STXBP5: variants seen among roughly 807,000 people sequenced by gnomAD.
The protein encoded by STXBP5 is syntaxin-binding protein 5.
Under a neutral mutation model 152.4 loss-of-function variants are expected in STXBP5, and 50 were observed. The ratio of observed to expected loss-of-function variants is 0.33; its 90% CI spans 0.26 to 0.42. The LOEUF is 0.42. Ranked by LOEUF, STXBP5 falls within the 10% of genes least tolerant of loss-of-function variation. STXBP5 has a pLI of 1.00. For missense variants in STXBP5, 1,167 were observed against 1,388.6 expected (o/e 0.84, Z 2.54); for synonymous variants, 492 against 494.7 (o/e 0.99, Z 0.07).
At chr6:147,223,091 T>G (rs1777538636) in intron 2 of STXBP5, among the ~76,000 whole-genome samples, 1 of 152,260 alleles carries the variant, frequency 6.6e-6, no homozygotes, top group Admixed American at 6.5e-5. Context: ...GTTCAGCTTT[T>G]TACTTCTTGT....
At chr6:147,329,928 C>T (rs1488463229) in intron 18 of STXBP5, among the ~76,000 whole-genome samples, 2 of 151,948 alleles carry the variant, frequency 1.3e-5, no homozygotes, top group African/African-American at 4.8e-5. Context: ...CGCCCGGCCT[C>T]TTCAGGCTTT....
intron 26 of STXBP5, among the ~76,000 whole-genome samples, chr6:147,375,650 G>A (rs564060954): frequency 6.6e-6 from 1 of 150,760 alleles, no homozygotes; most frequent in Non-Finnish European, 1.5e-5. Flanking sequence ...TATAAAGAAA[G>A]AAGTCAGAAA....
At chr6:147,346,213 C>T (rs1483131865) in intron 21 of STXBP5, among the ~76,000 whole-genome samples, 3 of 152,098 alleles carry the variant, frequency 2.0e-5, no homozygotes, top group South Asian at 2.1e-4. Context: ...AAATGAGTTT[C>T]GTAAGTGATT....
Position 147,204,481 on chromosome 6 carries a change from G to C in STXBP5, c.-52G>C, listed in dbSNP as rs1424971692. 40 of 1,586,794 alleles carry C rather than the reference G, an allele frequency of 2.5e-5. No homozygotes were observed. The highest frequency in any genetic ancestry group is 3.2e-5 in the Non-Finnish European group (37 of 1,168,064). On this transcript the variant is annotated 5_prime_UTR_variant, in exon 1 of 28. Transcript: ENST00000321680. This position sits in a 1 kb window ranked among gnomAD's most constrained non-coding sequence, Gnocchi z 4.3. Reference sequence around the variant, plus strand: ...CGGCCCCGGGTGGTCTCCCCCGCCCGGGGACCCCCTGTGCCTCCCCTCCCG... The same window carrying C: ...CGGCCCCGGGTGGTCTCCCCCGCCCCGGGACCCCCTGTGCCTCCCCTCCCG...
At chr6:147,290,849 T>A (rs955292018) in intron 8 of STXBP5, among the ~76,000 whole-genome samples, 6 of 152,212 alleles carry the variant, frequency 3.9e-5, no homozygotes, top group African/African-American at 1.4e-4. Flanking sequence ...CTGCTAGAAT[T>A]TTGTCACATA....
Position 147,385,460 on chromosome 6 carries a change from T to C in STXBP5, c.*705T>C, listed in dbSNP as rs182432326. 1.3e-5 allele frequency: 2 copies of C among 152,170 alleles called. No homozygotes were observed. Among genetic ancestry groups the C allele is most frequent in the Admixed American group, 1.3e-4 (2 of 15,260 alleles). The allele number at this position is 152,170 out of a possible 1,614,324, so 9.4% of individuals were successfully genotyped here. ...CATCACTTTTCATTGAAAAGAAAAG[T>C]GTAGAGCATGACTGAATTGCTCATC... On this transcript the variant is annotated 3_prime_UTR_variant, in exon 28 of 28. Transcript: ENST00000321680.
At chr6:147,265,373 C>G (rs1399479439) in intron 6 of STXBP5, among the ~76,000 whole-genome samples, 1 of 152,016 alleles carries the variant, frequency 6.6e-6, no homozygotes, top group African/African-American at 2.4e-5. Flanking sequence ...ATTACCCAAA[C>G]AGATATAGAC....
chr6:147,213,503 TTTTC>T (rs1334400026), intron 2 of STXBP5, among the ~76,000 whole-genome samples: 2 of 145,638 alleles, frequency 1.4e-5, no homozygotes. Context: ...TATTTTTTCT[TTTTC>T]TTTTATTTTT....
At chr6:147,322,680 C>T (rs1181143582) in intron 16 of STXBP5, among the ~76,000 whole-genome samples, 1 of 152,154 alleles carries the variant, frequency 6.6e-6, no homozygotes, top group Non-Finnish European at 1.5e-5. Context: ...ATATGTTTTG[C>T]TACAGCAATT....
chr6:147,315,633 C>T lies in STXBP5; in HGVS notation c.1521C>T (p.Ile507=), dbSNP rs146948967. The T allele has an allele frequency of 2.7e-5, 43 of 1,613,814 alleles. No individual in the cohort carries two copies. Among genetic ancestry groups the T allele is most frequent in the Non-Finnish European group, 3.0e-5 (35 of 1,179,908 alleles). Reference sequence around the variant, plus strand: ...AAGATCCATATGCCATTCAGATCATCTCCTGGTGTCCAGAAAGTAGAATGC... The same window carrying T: ...AAGATCCATATGCCATTCAGATCATTTCCTGGTGTCCAGAAAGTAGAATGC... ...VDEDPYAIQI[I]SWCPESRMLC... The change falls in exon 15 of 28, where the codon ATC becomes ATT. Residue 507 remains isoleucine (I), a synonymous_variant. Transcript: ENST00000321680.
chr6:147,328,740 T>A (rs1283665186), intron 18 of STXBP5: 1 of 471,118 alleles, frequency 2.1e-6, no homozygotes, highest in South Asian at 1.5e-5. Context: ...CCTTTCTAGC[T>A]TATATTCTGA....
At chr6:147,213,473 T>TGCGCGCGCGC (rs1402421132) in intron 2 of STXBP5, among the ~76,000 whole-genome samples, 9 of 126,426 alleles carry the variant, frequency 7.1e-5, no homozygotes, top group African/African-American at 1.5e-4. Context: ...TGTGTGTGTG[T>TGCGCGCGCGC]GTGTGCGCGC....
intron 17 of STXBP5, among the ~76,000 whole-genome samples, chr6:147,326,406 TA>T (rs1783259938): frequency 6.6e-6 from 1 of 152,146 alleles, no homozygotes; most frequent in Admixed American, 6.5e-5. Flanking sequence ...AGCTCCAACT[TA>T]AAAATCTGAT....
chr6:147,338,637 A>G (rs1783944334), intron 19 of STXBP5, among the ~76,000 whole-genome samples: 1 of 151,684 alleles, frequency 6.6e-6, no homozygotes, highest in African/African-American at 2.4e-5. Flanking sequence ...TTAGGTAGAC[A>G]TTTGAACATA....
chr6:147,317,386 A>C (rs1582935219), intron 16 of STXBP5, among the ~76,000 whole-genome samples: 2 of 152,174 alleles, frequency 1.3e-5, no homozygotes, highest in African/African-American at 4.8e-5. Flanking sequence ...ATGTTTACAA[A>C]AATTGAAGGT....
rs1582949475 is a variant in STXBP5, at chr6:147,327,140, T to C, written c.1944T>C (p.Asn648=). ...NSSYGLVVFG[N]CNGIAMVDYL... Reference sequence around the variant, plus strand: ...CTATTCCCAGGGTGGTTTTTGGCAATTGCAATGGCATTGCTATGGTTGACT... The same window carrying C: ...CTATTCCCAGGGTGGTTTTTGGCAACTGCAATGGCATTGCTATGGTTGACT... The change falls in exon 18 of 28, where the codon AAT becomes AAC. Residue 648 remains asparagine (N), a synonymous_variant. Transcript: ENST00000321680. 1 of 1,606,408 alleles carries C rather than the reference T, an allele frequency of 6.2e-7. No homozygotes were observed. Among genetic ancestry groups the C allele is most frequent in the East Asian group, 2.2e-5 (1 of 44,832 alleles).
chr6:147,326,205 AC>A (rs1178451699), intron 17 of STXBP5, among the ~76,000 whole-genome samples: 2 of 152,186 alleles, frequency 1.3e-5, no homozygotes, highest in Non-Finnish European at 2.9e-5. Context: ...AAGAGCACAA[AC>A]TTTCTTCTTT....
intron 16 of STXBP5, among the ~76,000 whole-genome samples, chr6:147,318,663 G>A (rs973854467): frequency 6.6e-6 from 1 of 151,198 alleles, no homozygotes; most frequent in African/African-American, 2.4e-5. Context: ...GTTAGTCCCA[G>A]TAGACAGAGA....
At chr6:147,383,524 A>G (rs1270036227) in intron 27 of STXBP5, among the ~76,000 whole-genome samples, 4 of 152,030 alleles carry the variant, frequency 2.6e-5, no homozygotes, top group Non-Finnish European at 4.4e-5. Flanking sequence ...CACACGCTGT[A>G]AAGTAGGGAT....
Sources: gnomAD v4.1 joint callset for allele counts (sites outside exome capture counted in the v4.1 genomes callset) on GRCh38, gnomAD v4.1.1 for gene constraint, Gnocchi (gnomAD v3.1) non-coding constraint, MANE v1.5 for transcripts, NCBI Gene and HGNC (gene_info 2026-07-23, HGNC 2026-07-21) for gene names.